The following ATRN variants were observed in gnomAD, a reference collection of about 807,000 sequenced individuals.
ATRN encodes the protein attractin-2.
ATRN carries 54 observed loss-of-function variants against 178.7 expected under a neutral mutation model. That is an observed-to-expected ratio of 0.30 (90% CI 0.24 to 0.38). The LOEUF is 0.38. Ranked by LOEUF, ATRN falls within the 10% of genes least tolerant of loss-of-function variation. The pLI, the probability that ATRN is intolerant of heterozygous loss-of-function variation, is 1.00. For missense variants in ATRN, 1,443 were observed against 1,815.1 expected (o/e 0.79, Z 3.73); for synonymous variants, 636 against 663.0 (o/e 0.96, Z 0.63).
intron 13 of ATRN, among the ~76,000 whole-genome samples, chr20:3,576,301 GC>G: frequency 6.6e-6 from 1 of 152,258 alleles, no homozygotes; most frequent in South Asian, 2.1e-4. Flanking sequence ...GTGTACAGCG[GC>G]CCATATTGAA....
chr20:3,556,058 G>A (rs889735491), intron 6 of ATRN, among the ~76,000 whole-genome samples: 3 of 152,036 alleles, frequency 2.0e-5, no homozygotes, highest in African/African-American at 7.3e-5. Flanking sequence ...AAAGAAATAC[G>A]AATAAATTAG....
chr20:3,584,069 T>A lies in ATRN; in HGVS notation c.2936T>A (p.Met979Lys). 1 of 1,613,956 alleles carries A rather than the reference T, an allele frequency of 6.2e-7. No homozygotes were observed. The highest frequency in any genetic ancestry group is 1.1e-5 in the South Asian group (1 of 91,076). The part of the protein sequence containing the change: ...PFGQCMEWYT[M>K]STCPPENCSG... ...GGCCAGTGTATGGAATGGTATACGA[T>A]GAGCACCTGCCCCCGTAAGTGAAAA... Residue 979 changes from methionine to lysine, a missense_variant, in exon 17 of 29, where the codon ATG (methionine) becomes AAG (lysine). Met to Lys is a moderately conservative substitution (Grantham distance 95). This residue lies in a region of ATRN where 212 missense variants were observed against 330.7 expected (regional missense o/e 0.64). Coordinates refer to ENST00000262919, the MANE Select transcript of ATRN (RefSeq NM_139321.3).
chr20:3,535,881 C>T (rs2085525172), intron 2 of ATRN, among the ~76,000 whole-genome samples: 1 of 151,974 alleles, frequency 6.6e-6, no homozygotes, highest in South Asian at 2.1e-4. Context: ...CCGCTCGCCT[C>T]AGCCTTCCAA....
chr20:3,554,907 A>C (rs991305868), intron 6 of ATRN, among the ~76,000 whole-genome samples: 4 of 151,764 alleles, frequency 2.6e-5, no homozygotes, highest in Non-Finnish European at 5.9e-5. Flanking sequence ...ATCAGTCAGC[A>C]GTCAACCAAA....
intron 1 of ATRN, among the ~76,000 whole-genome samples, chr20:3,497,313 C>G (rs2084894225): frequency 6.6e-6 from 1 of 151,634 alleles, no homozygotes; most frequent in Non-Finnish European, 1.5e-5. Context: ...TTGTTCCTTT[C>G]CATGTTTAGC....
intron 1 of ATRN, among the ~76,000 whole-genome samples, chr20:3,522,796 C>T (rs1315880313): frequency 1.3e-5 from 2 of 152,102 alleles, no homozygotes; most frequent in Non-Finnish European, 2.9e-5. Context: ...GGACCTCCAG[C>T]AAACTCCAGC....
intron 24 of ATRN, chr20:3,615,769 C>T: frequency 2.2e-6 from 1 of 453,958 alleles, no homozygotes; most frequent in African/African-American, 2.0e-5. Context: ...TTGCCCCCAT[C>T]ATTCTCAGCA....
Position 3,560,902 on chromosome 20 carries a change from T to G in ATRN, c.1444T>G (p.Leu482Val). Residue 482 changes from leucine (L) to valine (V), a missense_variant, in exon 8 of 29, where the codon TTG becomes GTG. Leu to Val is a conservative substitution (Grantham distance 32). This residue lies in a region of ATRN where 862 missense variants were observed against 972.1 expected (regional missense o/e 0.89). Coordinates refer to ENST00000262919, the MANE Select transcript of ATRN (RefSeq NM_139321.3). ...GYISNVQEYDLDKNTWSILHT... is the reference protein window; with the variant it reads ...GYISNVQEYDVDKNTWSILHT... ...TATAAGCAATGTGCAGGAATATGAT[T>G]TGGGTAGGTATATTTTTTCCAGTAG... 6.2e-7 allele frequency: 1 copy of G among 1,613,396 alleles called. No homozygotes were observed. The highest frequency in any genetic ancestry group is 8.5e-7 in the Non-Finnish European group (1 of 1,179,524).
chr20:3,517,199 G>A (rs1600064157), intron 1 of ATRN, among the ~76,000 whole-genome samples: 1 of 152,084 alleles, frequency 6.6e-6, no homozygotes, highest in South Asian at 2.1e-4. Flanking sequence ...TGAAAAAAGA[G>A]TTTTAAAAGT....
At chr20:3,576,679 A>ATCTGTCTGTCTGTCTGTCTG (rs369364158) in intron 13 of ATRN, among the ~76,000 whole-genome samples, 180 bp from the exon 14 acceptor site, 1 of 142,220 alleles carries the variant, frequency 7.0e-6, no homozygotes, top group South Asian at 2.4e-4. Context: ...TTATCTATCT[A>ATCTGTCTGTCTGTCTGTCTG]TCTGTCTGTC....
chr20:3,508,243 C>T (rs1600053157), intron 1 of ATRN, among the ~76,000 whole-genome samples: 2 of 151,318 alleles, frequency 1.3e-5, no homozygotes, highest in Middle Eastern at 6.9e-3. Flanking sequence ...TGAAAACTAC[C>T]TTCTTATTAT....
chr20:3,490,851 T>C (rs2084782818), intron 1 of ATRN: 4 of 831,896 alleles, frequency 4.8e-6, no homozygotes, highest in Admixed American at 3.4e-5. Flanking sequence ...ATCCCTCAGG[T>C]TCCCACTGAC....
chr20:3,539,619 G>A (rs2085589736), intron 2 of ATRN, among the ~76,000 whole-genome samples: 1 of 152,150 alleles, frequency 6.6e-6, no homozygotes, highest in African/African-American at 2.4e-5. Context: ...GAATTGGTAG[G>A]ACTGCTGGCA....
At chr20:3,603,339 A>G (rs2086637392) in intron 23 of ATRN, among the ~76,000 whole-genome samples, 1 of 152,124 alleles carries the variant, frequency 6.6e-6, no homozygotes, top group African/African-American at 2.4e-5. Context: ...ATGCAAAGGA[A>G]TTGAAGTGGT....
At chr20:3,513,809 G>T (rs368622203) in intron 1 of ATRN, among the ~76,000 whole-genome samples, 63 of 152,114 alleles carry the variant, frequency 4.1e-4, no homozygotes, top group Non-Finnish European at 5.6e-4. Flanking sequence ...GGTCCTTCAC[G>T]TCCCTTGTAA....
chr20:3,648,309 T>C lies in ATRN; in HGVS notation c.*1462T>C, dbSNP rs1032131055. ...CTCTGCCAAATGGAAAATGACCAAATTTAAGAGGGTGGGACAGTCCCCTGC... is the reference window on the plus strand; with the variant it reads ...CTCTGCCAAATGGAAAATGACCAAACTTAAGAGGGTGGGACAGTCCCCTGC... On this transcript the variant is annotated 3_prime_UTR_variant, in exon 29 of 29. Coordinates refer to ENST00000262919, the MANE Select transcript of ATRN (RefSeq NM_139321.3). 1 of 152,260 alleles carries C rather than the reference T, an allele frequency of 6.6e-6. No homozygotes were observed. Among genetic ancestry groups the C allele is most frequent in the Non-Finnish European group, 1.5e-5 (1 of 68,014 alleles). 9.4% of individuals were successfully genotyped at this position (152,260 alleles called of 1,614,324 possible).
chr20:3,625,150 A>G (rs747018074), intron 25 of ATRN, among the ~76,000 whole-genome samples: 40 of 151,990 alleles, frequency 2.6e-4, no homozygotes, highest in Non-Finnish European at 5.6e-4. Flanking sequence ...TCCCCACCCC[A>G]CGTCCCCCAA....
chr20:3,547,831 G>A (rs2085729299), intron 5 of ATRN, among the ~76,000 whole-genome samples: 1 of 152,098 alleles, frequency 6.6e-6, no homozygotes, highest in African/African-American at 2.4e-5. Flanking sequence ...CACACTCTAA[G>A]TTCAGAGAAA....
rs527676442 is a variant in ATRN, at chr20:3,545,634, G to A, written c.609-128G>A. The A allele has an allele frequency of 5.6e-4, 656 of 1,178,910 alleles. 9 individuals are homozygous for A. The South Asian group carries it at 9.8e-3, about 18-fold the overall frequency. The allele number at this position is 1,178,910 out of a possible 1,614,324, so 73.0% of individuals were successfully genotyped here. A position where few individuals can be genotyped will look rare whatever the true frequency, so the allele number is the denominator to read the frequency against. ...GGGTAGCACTGTGTGTTTATCACAG[G>A]AATTTGCCTGTCTTCCTGGATGTGG... On this transcript the variant is annotated intron_variant, in intron 3 of 28. Transcript: ENST00000262919.
Sources: allele counts gnomAD v4.1 joint callset (sites outside exome capture counted in the v4.1 genomes callset), GRCh38; gene constraint gnomAD v4.1.1; regional missense constraint gnomAD v4.1.1; transcripts MANE v1.5; gene names NCBI Gene and HGNC (gene_info 2026-07-23, HGNC 2026-07-21).